GRIN2A: variants seen among roughly 807,000 people sequenced by gnomAD.
GRIN2A encodes glutamate receptor ionotropic, NMDA 2A.
Under a neutral mutation model 113.4 loss-of-function variants are expected in GRIN2A, and 22 were observed. The observed-to-expected ratio is 0.19, with a 90% CI of 0.14 to 0.28. The LOEUF (loss-of-function observed/expected upper bound fraction) is 0.28, where lower values mean the gene tolerates loss of function less well. Ranked by LOEUF, GRIN2A falls within the 10% of genes least tolerant of loss-of-function variation. The pLI is 1.00. For synonymous variants in GRIN2A, 827 were observed against 738.4 expected (o/e 1.12, Z -1.94); for missense variants, 1,502 against 1,887.0 (o/e 0.80, Z 3.78).
At chr16:9,967,561 C>T (rs991386710) in intron 2 of GRIN2A, among the ~76,000 whole-genome samples, 3 of 152,112 alleles carry the variant, frequency 2.0e-5, no homozygotes, top group South Asian at 2.1e-4. Flanking sequence ...AAAAATTAGC[C>T]GGGCGTGCTG....
intron 5 of GRIN2A, among the ~76,000 whole-genome samples, chr16:9,841,329 T>A (rs1454500210): frequency 1.3e-5 from 2 of 152,224 alleles, no homozygotes; most frequent in Admixed American, 1.3e-4. Context: ...AATTACTATT[T>A]GCTAAGCACT....
intron 10 of GRIN2A, among the ~76,000 whole-genome samples, chr16:9,803,289 T>A (rs758052561): frequency 2.6e-5 from 4 of 151,766 alleles, no homozygotes; most frequent in Non-Finnish European, 5.9e-5. Flanking sequence ...TGCCTATAAT[T>A]CCAGCTACTC....
chr16:9,880,508 A>G (rs1027577961), intron 4 of GRIN2A, among the ~76,000 whole-genome samples: 5 of 152,170 alleles, frequency 3.3e-5, no homozygotes, highest in African/African-American at 4.8e-5. Flanking sequence ...TTGTTGAGTA[A>G]TTCAAAGTCA....
rs146199076 is a variant in GRIN2A, at chr16:9,810,869, A to T, written c.2168+11395T>A. On this transcript the variant is annotated intron_variant, in intron 10 of 12. Transcript: ENST00000330684. ...ATCACTCCTCCACCTGCATTTCTCT[A>T]TGGGAGGAAGGAGGTGGGGCTTGCT... Among the ~76,000 whole-genome samples, 178 of 152,212 alleles carry T rather than the reference A, an allele frequency of 1.2e-3. 1 individual carries two copies. Among genetic ancestry groups the T allele is most frequent in the African/African-American group, 4.1e-3 (169 of 41,536 alleles).
intron 3 of GRIN2A, among the ~76,000 whole-genome samples, chr16:9,932,415 G>A (rs371506736): frequency 7.9e-5 from 12 of 151,562 alleles, no homozygotes; most frequent in South Asian, 4.2e-4. Flanking sequence ...TTGCTCTGTC[G>A]CCCAGGCTGG....
Position 9,758,882 on chromosome 16 carries a change from AC to A in GRIN2A, c.*4266del. ...CTAATTTTGTCTCCAGTGAAAATAA[AC>A]AGTACTTTTGGAAGGAAAATTGCCT... is the stretch of plus-strand genomic sequence containing the variant. On this transcript the variant is annotated 3_prime_UTR_variant, in exon 13 of 13. Transcript: ENST00000330684. The A allele has an allele frequency of 4.6e-6, 1 of 219,260 alleles. No homozygotes were observed. The highest frequency in any genetic ancestry group is 9.2e-6 in the Non-Finnish European group (1 of 109,176). The allele number at this position is 219,260 out of a possible 1,614,324, so 13.6% of individuals were successfully genotyped here. A position where few individuals can be genotyped will look rare whatever the true frequency, so the allele number is the denominator to read the frequency against.
chr16:10,054,735 A>G (rs746523047), intron 2 of GRIN2A, among the ~76,000 whole-genome samples: 4 of 152,158 alleles, frequency 2.6e-5, no homozygotes, highest in Non-Finnish European at 5.9e-5. Context: ...AAATCTCAAT[A>G]ACATAATACT....
chr16:9,833,994 G>C (rs1305309015), intron 8 of GRIN2A, 111 bp downstream of exon 8: 3 of 1,082,030 alleles, frequency 2.8e-6, no homozygotes, highest in Non-Finnish European at 4.3e-6. Flanking sequence ...TGGGATTACA[G>C]GCGTGAGCCA....
intron 2 of GRIN2A, among the ~76,000 whole-genome samples, chr16:10,124,469 T>C (rs1035529704): frequency 5.1e-5 from 7 of 138,426 alleles, no homozygotes; most frequent in African/African-American, 1.8e-4. Context: ...CAACTTAGCC[T>C]TGATAACTCT....
At chr16:9,873,841 G>C (rs150260503) in intron 4 of GRIN2A, among the ~76,000 whole-genome samples, 54 of 152,266 alleles carry the variant, frequency 3.5e-4, no homozygotes, top group Non-Finnish European at 6.5e-4. Context: ...CACTTTAATT[G>C]TGGAAAGAAA....
At chr16:10,109,586 C>T (rs1398046714) in intron 2 of GRIN2A, among the ~76,000 whole-genome samples, 1 of 150,834 alleles carries the variant, frequency 6.6e-6, no homozygotes, top group Non-Finnish European at 1.5e-5. Flanking sequence ...TACGTTCACA[C>T]CATGAAGGTA....
chr16:9,918,565 T>C (rs191751500), intron 3 of GRIN2A, among the ~76,000 whole-genome samples: 15 of 152,288 alleles, frequency 9.8e-5, no homozygotes, highest in Admixed American at 2.0e-4. Context: ...GACTACTGTA[T>C]AGGTTCGAGT....
At position 9,891,106 on chromosome 16, in the gene GRIN2A, A is replaced by G; in HGVS notation, c.1008-6T>C. ...ATGTAACATTGACCATAAATCTAGA[A>G]AGGGGAAGAGAGAAAGACAAATTTT... On this transcript the variant is annotated splice_region_variant and splice_polypyrimidine_tract_variant and intron_variant, in intron 3 of 12. Coordinates refer to ENST00000330684, the MANE Select transcript of GRIN2A (RefSeq NM_001134407.3). The G allele has an allele frequency of 6.4e-7, 1 of 1,567,520 alleles. No homozygotes were observed. Among genetic ancestry groups the G allele is most frequent in the Non-Finnish European group, 8.8e-7 (1 of 1,137,540 alleles).
intron 2 of GRIN2A, among the ~76,000 whole-genome samples, chr16:10,159,052 T>C (rs8050482): frequency 0.37 from 56,954 of 151,972 alleles, 11,088 homozygotes; most frequent in Non-Finnish European, 0.42. Context: ...AGACCTGAGT[T>C]CAGGGCCCAG....
intron 2 of GRIN2A, among the ~76,000 whole-genome samples, chr16:10,045,377 T>C (rs2047239994): frequency 6.6e-6 from 1 of 151,920 alleles, no homozygotes; most frequent in African/African-American, 2.4e-5. Context: ...TTTACATCCT[T>C]TTGTACAGCA....
chr16:10,078,157 T>C (rs545161464), intron 2 of GRIN2A, among the ~76,000 whole-genome samples: 3 of 152,296 alleles, frequency 2.0e-5, no homozygotes, highest in South Asian at 4.1e-4. Flanking sequence ...AAAATGTTAG[T>C]AATAATAATG....
chr16:10,010,870 G>T (rs968056079), intron 2 of GRIN2A, among the ~76,000 whole-genome samples: 2 of 152,126 alleles, frequency 1.3e-5, no homozygotes, highest in Non-Finnish European at 2.9e-5. Context: ...AACTCCAGGG[G>T]GCAGCAATCA....
At chr16:9,870,817 T>C (rs2043247444) in intron 4 of GRIN2A, among the ~76,000 whole-genome samples, 1 of 152,032 alleles carries the variant, frequency 6.6e-6, no homozygotes, top group African/African-American at 2.4e-5. Flanking sequence ...TTTTGTATTT[T>C]AGTAGAGACA....
chr16:10,141,689 T>C (rs1482866453), intron 2 of GRIN2A, among the ~76,000 whole-genome samples: 1 of 152,206 alleles, frequency 6.6e-6, no homozygotes, highest in African/African-American at 2.4e-5. Flanking sequence ...CCTTTTCATA[T>C]ATTTCTGTTG....
Sources: allele counts gnomAD v4.1 joint callset (sites outside exome capture counted in the v4.1 genomes callset), GRCh38; gene constraint gnomAD v4.1.1; transcripts MANE v1.5; gene names NCBI Gene and HGNC (gene_info 2026-07-23, HGNC 2026-07-21).